Variants in DPY30 observed in about 807,000 individuals in gnomAD.
DPY30 encodes protein dpy-30 homolog.
A neutral mutation model predicts 16.2 loss-of-function variants in DPY30; 6 were observed. The ratio of observed to expected loss-of-function variants is 0.37; its 90% CI spans 0.20 to 0.73. The LOEUF (loss-of-function observed/expected upper bound fraction) is 0.73, where lower values mean the gene tolerates loss of function less well. Among genes scored for constraint, DPY30 ranks in the 30% least tolerant of loss-of-function variants. DPY30 has a pLI of 0.51. For synonymous variants in DPY30, 39 were observed against 38.8 expected (o/e 1.00, Z -0.02); for missense variants, 73 against 113.1 (o/e 0.65, Z 1.61).
intron 4 of DPY30, among the ~76,000 whole-genome samples, chr2:32,028,112 C>CTTT (rs1159330100): frequency 7.3e-6 from 1 of 136,206 alleles, no homozygotes; most frequent in South Asian, 2.4e-4. Context: ...GATATATTTC[C>CTTT]TTTTTTTTTT....
chr2:32,012,297 G>A (rs1674955368), intron 5 of DPY30, among the ~76,000 whole-genome samples: 2 of 150,150 alleles, frequency 1.3e-5, no homozygotes, highest in South Asian at 4.2e-4. Context: ...TTCTAATTAG[G>A]CTAAAATCTC....
At chr2:32,028,681 C>T (rs1675423164) in intron 4 of DPY30, among the ~76,000 whole-genome samples, 1 of 152,048 alleles carries the variant, frequency 6.6e-6, no homozygotes, top group Non-Finnish European at 1.5e-5. Flanking sequence ...GGTGCCTGAG[C>T]TGCTCAGGAA....
At chr2:32,028,696 A>G (rs1168344363) in intron 4 of DPY30, among the ~76,000 whole-genome samples, 3 of 152,180 alleles carry the variant, frequency 2.0e-5, no homozygotes, top group African/African-American at 4.8e-5. Context: ...CAGGAAGCTA[A>G]GGCAGAATCT....
chr2:32,028,957 C>A (rs1320114352), intron 4 of DPY30, among the ~76,000 whole-genome samples: 2 of 151,744 alleles, frequency 1.3e-5, no homozygotes, highest in African/African-American at 2.4e-5. Flanking sequence ...TAGCAAGACT[C>A]TGTCTCAAAA....
chr2:32,037,118 TTC>T (rs1456841029), intron 3 of DPY30, among the ~76,000 whole-genome samples: 1 of 152,158 alleles, frequency 6.6e-6, no homozygotes, highest in Non-Finnish European at 1.5e-5. Flanking sequence ...GAAGCTGAAT[TTC>T]TTACCAGCGG....
chr2:32,019,157 G>A (rs1675120812), downstream of DPY30, among the ~76,000 whole-genome samples: 4 of 152,010 alleles, frequency 2.6e-5, no homozygotes, highest in South Asian at 2.1e-4. Flanking sequence ...GCAGTGGCAC[G>A]ATCTCAGCTC....
chr2:32,035,857 C>T (rs1284346089), intron 3 of DPY30, among the ~76,000 whole-genome samples: 1 of 150,988 alleles, frequency 6.6e-6, no homozygotes, highest in East Asian at 1.9e-4. Context: ...TCACTTCAAC[C>T]CGGGAGGCAG....
chr2:32,027,177 G>A (rs935221292), intron 4 of DPY30, among the ~76,000 whole-genome samples: 3 of 149,302 alleles, frequency 2.0e-5, no homozygotes, highest in Non-Finnish European at 3.0e-5. Context: ...TCGGGAGGCT[G>A]AAGCAGGAAA....
chr2:32,029,262 T>A (rs963099686), intron 4 of DPY30, among the ~76,000 whole-genome samples: 3 of 152,108 alleles, frequency 2.0e-5, no homozygotes, highest in Non-Finnish European at 4.4e-5. Flanking sequence ...CAGAGCTAGA[T>A]TCTGTTTCAA....
chr2:32,013,545 T>A lies in DPY30; in HGVS notation n.378-1493A>T, dbSNP rs115424425. ...TTCATATAATGCAAAATACTTTGTA[T>A]TTTAGGAGAAGCTTATCTGGCAATA... On this transcript the variant is annotated intron_variant and non_coding_transcript_variant, in intron 5 of 5. Transcript: ENST00000414013. Among the ~76,000 whole-genome samples the A allele has an allele frequency of 7.4e-3, 1,133 of 152,324 alleles. 15 individuals are homozygous for A. Among genetic ancestry groups the A allele is most frequent in the African/African-American group, 0.026 (1,093 of 41,562 alleles).
chr2:32,019,865 T>C (rs1009842501), downstream of DPY30, among the ~76,000 whole-genome samples: 10 of 141,672 alleles, frequency 7.1e-5, no homozygotes, highest in East Asian at 2.1e-4. Context: ...TACACACACA[T>C]ATATATGTGT....
chr2:32,037,046 T>G (rs1675770043), intron 3 of DPY30, among the ~76,000 whole-genome samples: 1 of 152,178 alleles, frequency 6.6e-6, no homozygotes, highest in African/African-American at 2.4e-5. Context: ...GTGAAGCAAA[T>G]CTACAACTGG....
At position 32,039,337 on chromosome 2, in the gene DPY30, A is replaced by G. The variant is rs368009364; in HGVS notation, c.37-11T>C. 6 of 1,614,134 alleles carry G rather than the reference A, an allele frequency of 3.7e-6. No individual in the cohort carries two copies. The highest frequency in any genetic ancestry group is 5.1e-6 in the Non-Finnish European group (6 of 1,180,026). ...AGGATTTTCTGCAACCTAGAAAACA[A>G]AACACCGGTCACAGAGATATAAGTC... On this transcript the variant is annotated splice_polypyrimidine_tract_variant and intron_variant, in intron 2 of 4. Coordinates refer to ENST00000342166, the MANE Select transcript of DPY30 (RefSeq NM_001321209.2).
At chr2:32,021,669 A>G (rs1285087893), downstream of DPY30, among the ~76,000 whole-genome samples, 1 of 146,280 alleles carries the variant, frequency 6.8e-6, no homozygotes, top group Non-Finnish European at 1.5e-5. Flanking sequence ...ACCGAGCAAG[A>G]CTCCATCTCA....
At chr2:32,021,688 AAAAG>A (rs1265103507), downstream of DPY30, among the ~76,000 whole-genome samples, 2 of 151,808 alleles carry the variant, frequency 1.3e-5, no homozygotes, top group African/African-American at 4.8e-5. Context: ...CAAAAAAAAA[AAAAG>A]CAACAACAAA....
chr2:32,015,484 A>G (rs1675046637), intron 5 of DPY30, among the ~76,000 whole-genome samples: 3 of 152,098 alleles, frequency 2.0e-5, no homozygotes, highest in Admixed American at 1.3e-4. Context: ...TTGTAATACA[A>G]TTTTTTACAT....
chr2:32,012,109 C>T (rs1408663634), intron 5 of DPY30: 1 of 152,046 alleles, frequency 6.6e-6, no homozygotes, highest in African/African-American at 2.4e-5. Context: ...TAAACAAGCC[C>T]CTGACAGATT....
rs371315147 is a variant in DPY30, at chr2:32,039,483, G to A, written c.-27C>T. 3.4e-5 allele frequency: 55 copies of A among 1,613,882 alleles called. No homozygotes were observed. The highest frequency in any genetic ancestry group is 5.3e-5 in the African/African-American group (4 of 74,888). ...GCGGACCCTGCAAGTCACAGTCCCC[G>A]GATACCAGTCTTGGAAAACAAGAAG... On this transcript the variant is annotated 5_prime_UTR_variant, in exon 2 of 5. Transcript: ENST00000342166.
At chr2:32,038,981 G>C (rs891095583) in intron 3 of DPY30, among the ~76,000 whole-genome samples, 4 of 152,050 alleles carry the variant, frequency 2.6e-5, no homozygotes, top group African/African-American at 9.7e-5. Flanking sequence ...CGGTTTTTAC[G>C]TAGCAACATC....
Sources: gnomAD v4.1 joint callset for allele counts (sites outside exome capture counted in the v4.1 genomes callset) on GRCh38, gnomAD v4.1.1 for gene constraint, MANE v1.5 for transcripts, NCBI Gene and HGNC (gene_info 2026-07-23, HGNC 2026-07-21) for gene names.